Variants in CNTN3 observed in about 807,000 individuals in gnomAD.
CNTN3 encodes the protein contactin 3.
Under a neutral mutation model 119.1 loss-of-function variants are expected in CNTN3, and 60 were observed. The ratio of observed to expected loss-of-function variants is 0.50; its 90% CI spans 0.41 to 0.62. The LOEUF is 0.62. Among genes scored for constraint, CNTN3 ranks in the 20% least tolerant of loss-of-function variants. The pLI, the probability that CNTN3 is intolerant of heterozygous loss-of-function variation, is 0.00. For synonymous variants in CNTN3, 450 were observed against 438.7 expected (o/e 1.03, Z -0.32); for missense variants, 1,101 against 1,242.4 (o/e 0.89, Z 1.71).
chr3:74,394,442 T>C (rs1024051085), intron 5 of CNTN3, among the ~76,000 whole-genome samples: 2 of 152,138 alleles, frequency 1.3e-5, no homozygotes, highest in African/African-American at 4.8e-5. Flanking sequence ...TGGCAAAAGA[T>C]CTATCATTCC....
intron 19 of CNTN3, among the ~76,000 whole-genome samples, chr3:74,288,212 A>G (rs1975580): frequency 0.45 from 64,291 of 143,132 alleles, 14,402 homozygotes; most frequent in South Asian, 0.61. Context: ...AGGCTGGAAT[A>G]TAGTGGCACG....
At chr3:74,308,909 C>A (rs1044252179) in intron 13 of CNTN3, among the ~76,000 whole-genome samples, 2 of 151,918 alleles carry the variant, frequency 1.3e-5, no homozygotes, top group African/African-American at 2.4e-5. Flanking sequence ...AGTTACCTAG[C>A]AAAATTAATA....
At chr3:74,313,252 G>A (rs898265919) in intron 13 of CNTN3, among the ~76,000 whole-genome samples, 2 of 151,992 alleles carry the variant, frequency 1.3e-5, no homozygotes, top group African/African-American at 4.8e-5. Flanking sequence ...AGGGAAAAAA[G>A]CAATTTTTGA....
chr3:74,600,102 G>T (rs544460175), intron 1 of CNTN3, among the ~76,000 whole-genome samples: 1 of 152,190 alleles, frequency 6.6e-6, no homozygotes, highest in South Asian at 2.1e-4. Flanking sequence ...AAGGAAAAAT[G>T]AATTAATCAT....
chr3:74,362,489 G>A (rs1056548733), intron 10 of CNTN3, among the ~76,000 whole-genome samples: 16 of 152,138 alleles, frequency 1.1e-4, no homozygotes, highest in Admixed American at 1.3e-4. Context: ...ACATATGCAT[G>A]TATCAAGTTC....
chr3:74,302,658 G>C, intron 14 of CNTN3, 32 bp downstream of exon 14: 1 of 1,295,300 alleles, frequency 7.7e-7, no homozygotes, highest in South Asian at 1.2e-5. Flanking sequence ...AAGATGTGAA[G>C]TGACAAACTC....
chr3:74,597,087 A>AGG lies in CNTN3; in HGVS notation c.-81+17302_-81+17303dup. On this transcript the variant is annotated intron_variant, in intron 1 of 22. Coordinates refer to ENST00000263665, the MANE Select transcript of CNTN3 (RefSeq NM_020872.3). ...AATTCTAAGGTTACAACTTAATGAG[A>AGG]GGGGGGAAGGAAACTCCAGTCTCTA... Among the ~76,000 whole-genome samples, 3 of 152,132 alleles carry AGG rather than the reference A, an allele frequency of 2.0e-5. 1 individual carries two copies. The highest frequency in any genetic ancestry group is 7.2e-5 in the African/African-American group (3 of 41,558).
intron 4 of CNTN3, among the ~76,000 whole-genome samples, chr3:74,451,526 C>T (rs1056640685): frequency 1.3e-5 from 2 of 152,070 alleles, no homozygotes; most frequent in African/African-American, 4.8e-5. Context: ...TAATTAGATC[C>T]CATTTGTCAA....
intron 2 of CNTN3, among the ~76,000 whole-genome samples, chr3:74,503,308 C>G (rs7613298): frequency 0.65 from 99,418 of 152,002 alleles, 33,485 homozygotes; most frequent in Middle Eastern, 0.76. Flanking sequence ...AGTTAATGGC[C>G]TATGAGGCAC....
At chr3:74,421,170 T>C (rs1701609893) in intron 5 of CNTN3, among the ~76,000 whole-genome samples, 1 of 152,134 alleles carries the variant, frequency 6.6e-6, no homozygotes, top group South Asian at 2.1e-4. Flanking sequence ...ATTTTTATTT[T>C]ATTTATTTTA....
chr3:74,462,242 C>A (rs777977540), intron 4 of CNTN3, among the ~76,000 whole-genome samples: 10 of 152,074 alleles, frequency 6.6e-5, no homozygotes, highest in Non-Finnish European at 1.5e-4. Flanking sequence ...CCCACAGAAC[C>A]ATAAGCCAAT....
intron 5 of CNTN3, among the ~76,000 whole-genome samples, chr3:74,374,635 C>G (rs532712383): frequency 1.3e-5 from 2 of 152,196 alleles, no homozygotes; most frequent in South Asian, 4.1e-4. Context: ...CAGTGTGAGG[C>G]TACTCTGAGA....
chr3:74,468,052 T>TC (rs1435369111), intron 4 of CNTN3, among the ~76,000 whole-genome samples: 1 of 152,162 alleles, frequency 6.6e-6, no homozygotes, highest in Non-Finnish European at 1.5e-5. Context: ...GCTGATAATG[T>TC]CTCCAGCTTT....
chr3:74,540,879 A>G (rs1703833752), intron 1 of CNTN3, among the ~76,000 whole-genome samples: 1 of 152,170 alleles, frequency 6.6e-6, no homozygotes, highest in South Asian at 2.1e-4. Context: ...CAGGCAGTAT[A>G]TTTAATTTCT....
At chr3:74,520,632 T>C (rs1480323471) in intron 2 of CNTN3, among the ~76,000 whole-genome samples, 1 of 151,528 alleles carries the variant, frequency 6.6e-6, no homozygotes, top group Non-Finnish European at 1.5e-5. Context: ...CTATATTCAG[T>C]TTTGGTCCTT....
intron 1 of CNTN3, among the ~76,000 whole-genome samples, chr3:74,535,630 C>T (rs1408853217): frequency 3.9e-5 from 6 of 152,016 alleles, no homozygotes; most frequent in Admixed American, 2.0e-4. Flanking sequence ...GCTGTCAATG[C>T]GATACAATGC....
intron 1 of CNTN3, among the ~76,000 whole-genome samples, chr3:74,534,792 T>C (rs1703742167): frequency 6.6e-6 from 1 of 152,002 alleles, no homozygotes; most frequent in Non-Finnish European, 1.5e-5. Flanking sequence ...GGGCGAGTTA[T>C]TAGATTGGTG....
chr3:74,598,422 C>T (rs2106699588), intron 1 of CNTN3, among the ~76,000 whole-genome samples: 1 of 152,078 alleles, frequency 6.6e-6, no homozygotes, highest in Admixed American at 6.6e-5. Context: ...CTTTGAAGAG[C>T]CTTCTTCAAA....
intron 1 of CNTN3, among the ~76,000 whole-genome samples, chr3:74,541,004 G>C (rs897054095): frequency 2.0e-5 from 3 of 151,994 alleles, no homozygotes; most frequent in African/African-American, 7.2e-5. Flanking sequence ...AAACCAAAAA[G>C]AGTAACATCA....
Sources: allele counts gnomAD v4.1 joint callset (sites outside exome capture counted in the v4.1 genomes callset), GRCh38; gene constraint gnomAD v4.1.1; transcripts MANE v1.5; gene names NCBI Gene and HGNC (gene_info 2026-07-23, HGNC 2026-07-21).